PLEKHG2: variants seen among roughly 807,000 people sequenced by gnomAD.
PLEKHG2 encodes pleckstrin homology domain-containing family G member 2.
Under a neutral mutation model 104.4 loss-of-function variants are expected in PLEKHG2, and 71 were observed. The observed-to-expected ratio is 0.68, with a 90% confidence interval of 0.56 to 0.83. PLEKHG2 has a LOEUF of 0.83. Ranked by LOEUF, PLEKHG2 falls within the 40% of genes least tolerant of loss-of-function variation. The pLI, the probability that PLEKHG2 is intolerant of heterozygous loss-of-function variation, is 0.00. For missense variants in PLEKHG2, 1,730 were observed against 1,809.4 expected (o/e 0.96, Z 0.80); for synonymous variants, 728 against 737.0 (o/e 0.99, Z 0.20).
chr19:39,420,983 C>G lies in PLEKHG2; in HGVS notation c.1434C>G (p.Gly478=). 6.2e-7 allele frequency: 1 copy of G among 1,614,036 alleles called. No individual in the cohort carries two copies. The highest frequency in any genetic ancestry group is 8.5e-7 in the Non-Finnish European group (1 of 1,180,030). ...PSPGPSVIRR[G]RRQSEPVKDP... ...CTGGGCCCTCTGTGATTCGCCGAGG[C>G]CGCAGGCAGTCTGGTGAGCACTCAC... Residue 478 remains glycine, a synonymous_variant, in exon 14 of 19, where the codon GGC becomes GGG. Transcript: ENST00000425673.
rs922219533 is a variant in PLEKHG2, at chr19:39,420,521, A to C, written c.1264-105A>C. The stretch of plus-strand genomic sequence containing the variant: ...CCTGGCGTATAGAGCAAGATCTAAA[A>C]ACAAAAACAGCACCCATTAATGGGC... On this transcript the variant is annotated intron_variant, in intron 11 of 18. Coordinates refer to ENST00000425673, the MANE Select transcript of PLEKHG2 (RefSeq NM_022835.3). 2.0e-6 allele frequency: 3 copies of C among 1,486,380 alleles called. No homozygotes were observed. In the African/African-American group the frequency reaches 4.2e-5, roughly 21 times the overall value. 92.1% of individuals were successfully genotyped at this position (1,486,380 alleles called of 1,614,324 possible).
In PLEKHG2 at chr19:39,417,555, G is replaced by C; in HGVS notation, c.745G>C (p.Glu249Gln). Reference sequence around the variant, plus strand: ...TGCGTGCCTGGTGGCTGCCTGACAGGAACTAGGGAAGCACTGGGCGGAGGG... The same window carrying C: ...TGCGTGCCTGGTGGCTGCCTGACAGCAACTAGGGAAGCACTGGGCGGAGGG... ...RILKYHLLLQELGKHWAEGPG... is the reference protein window; with the variant it reads ...RILKYHLLLQQLGKHWAEGPG... Residue 249 changes from glutamate (E) to glutamine (Q), a missense_variant and splice_region_variant, in exon 8 of 19, where the codon GAA (glutamate) becomes CAA (glutamine). Glu to Gln is a conservative substitution (Grantham distance 29, BLOSUM62 2). Transcript: ENST00000425673. 1 of 1,613,880 alleles carries C rather than the reference G, an allele frequency of 6.2e-7. No homozygotes were observed. Among genetic ancestry groups the C allele is most frequent in the South Asian group, 1.1e-5 (1 of 91,084 alleles).
Position 39,415,361 on chromosome 19 carries a change from A to G in PLEKHG2, c.401A>G (p.Asp134Gly), listed in dbSNP as rs990456646. The G allele has an allele frequency of 1.9e-6, 3 of 1,613,988 alleles. No individual in the cohort carries two copies. The highest frequency in any genetic ancestry group is 2.5e-6 in the Non-Finnish European group (3 of 1,180,008). The change falls in exon 4 of 19, where the codon GAC (aspartate) becomes GGC (glycine). Residue 134 changes from aspartate (D) to glycine (G), a missense_variant. Asp to Gly is a moderately conservative substitution (Grantham distance 94). Coordinates refer to ENST00000425673, the MANE Select transcript of PLEKHG2 (RefSeq NM_022835.3). The surrounding 1 kb of genome is among the most constrained non-coding windows in gnomAD (Gnocchi z 4.6). The part of the protein sequence containing the change: ...IVEDYLGPLL[D>G]GGVLGLSVEQ... Reference sequence around the variant, plus strand: ...CAGGACTACCTGGGCCCTCTGCTGGACGGCGGGGTCCTGGGGCTGAGCGTG... The same window carrying G: ...CAGGACTACCTGGGCCCTCTGCTGGGCGGCGGGGTCCTGGGGCTGAGCGTG...
At chr19:39,417,522 C>T (rs778253026) in intron 7 of PLEKHG2, 33 bp from the exon 8 acceptor site, 1 of 1,609,404 alleles carries the variant, frequency 6.2e-7, no homozygotes. Flanking sequence ...TGTTTCTCTC[C>T]CCATCCCTGC....
At chr19:39,417,755 G>GCGGGGGGGGGC in intron 8 of PLEKHG2, 63 bp downstream of exon 8, 1 of 1,525,380 alleles carries the variant, frequency 6.6e-7, no homozygotes, top group Non-Finnish European at 8.8e-7. Flanking sequence ...CTTGGGGCGG[G>GCGGGGGGGGGC]TGGGGGGAAA....
At position 39,415,591 on chromosome 19, in the gene PLEKHG2, C is replaced by A; in HGVS notation, c.479+152C>A. ...CAGGGATCACGACTGGGAGGGAGGA[C>A]CCCGAGTGAGGGAGGGGCATAGGGG... is the stretch of plus-strand genomic sequence containing the variant. On this transcript the variant is annotated intron_variant, in intron 4 of 18. Coordinates refer to ENST00000425673, the MANE Select transcript of PLEKHG2 (RefSeq NM_022835.3). This position sits in a 1 kb window ranked among gnomAD's most constrained non-coding sequence, Gnocchi z 4.6. The A allele has an allele frequency of 2.8e-6, 2 of 720,544 alleles. No individual in the cohort carries two copies. Among genetic ancestry groups the A allele is most frequent in the Non-Finnish European group, 4.2e-6 (2 of 480,384 alleles). 44.6% of individuals were successfully genotyped at this position (720,544 alleles called of 1,614,324 possible).
intron 9 of PLEKHG2, 35 bp downstream of exon 9, chr19:39,418,140 C>T: frequency 6.9e-7 from 1 of 1,455,410 alleles, no homozygotes; most frequent in Non-Finnish European, 9.1e-7. Flanking sequence ...TAGAATACTA[C>T]CTACAAAGTA....
intron 16 of PLEKHG2, chr19:39,421,754 C>T (rs1445855633): frequency 9.0e-6 from 2 of 221,174 alleles, no homozygotes; most frequent in Non-Finnish European, 1.8e-5. Flanking sequence ...TACGGTGGCT[C>T]ACCTGTAATC....
rs988596220 is a variant in PLEKHG2, at chr19:39,415,665, G to A, written c.479+226G>A. ...GGGGCATAGCGGATGGGAGGACCCC[G>A]AGTGAGGGAGGGGCATAGCGGATGG... On this transcript the variant is annotated intron_variant, in intron 4 of 18. Transcript: ENST00000425673. This position sits in a 1 kb window ranked among gnomAD's most constrained non-coding sequence, Gnocchi z 4.6. 1.3e-5 allele frequency among the ~76,000 whole-genome samples: 2 copies of A among 151,538 alleles called. No homozygotes were observed. Among genetic ancestry groups the A allele is most frequent in the African/African-American group, 2.4e-5 (1 of 41,190 alleles).
At position 39,419,140 on chromosome 19, in the gene PLEKHG2, G is replaced by C. The variant is rs1307569288; in HGVS notation, c.1263+137G>C. The C allele has an allele frequency of 1.0e-5, 8 of 786,702 alleles. No individual in the cohort carries two copies. In the South Asian group the frequency reaches 1.8e-4, roughly 17 times the overall value. The allele number at this position is 786,702 out of a possible 1,614,324, so 48.7% of individuals were successfully genotyped here. On this transcript the variant is annotated intron_variant, in intron 11 of 18. Transcript: ENST00000425673. The stretch of plus-strand genomic sequence containing the variant: ...CTAAAAGTGCAGAATTCCGCTACTT[G>C]GGTTTGAATCTTAGCTCTACCATGT...
rs370089865 is a variant in PLEKHG2, at chr19:39,422,293, G to A, written c.1677+5G>A. On this transcript the variant is annotated splice_donor_5th_base_variant and intron_variant, in intron 17 of 18. Coordinates refer to ENST00000425673, the MANE Select transcript of PLEKHG2 (RefSeq NM_022835.3). ...CGAGGCCTTCGAGATCCAGGGGTGA[G>A]CTGGCTGTCCCATCATGGTGTCCTT... is the stretch of plus-strand genomic sequence containing the variant. The A allele has an allele frequency of 1.1e-4, 183 of 1,608,242 alleles. No homozygotes were observed. Among genetic ancestry groups the A allele is most frequent in the Non-Finnish European group, 1.5e-4 (179 of 1,177,306 alleles).
Position 39,422,225 on chromosome 19 carries a change from T to C in PLEKHG2, c.1614T>C (p.Ser538=). ...EDAGPPTLDP[S]GTSITEEILE... is the part of the protein sequence containing the mutation. ...CTGGACCCCCAACACTGGACCCCTC[T>C]GGGACCTCAATCACTGAAGAAATCC... Residue 538 remains serine (S), a synonymous_variant, in exon 17 of 19, where the codon TCT becomes TCC. Coordinates refer to ENST00000425673, the MANE Select transcript of PLEKHG2 (RefSeq NM_022835.3). The C allele has an allele frequency of 6.2e-7, 1 of 1,613,916 alleles. No individual in the cohort carries two copies. Among genetic ancestry groups the C allele is most frequent in the Non-Finnish European group, 8.5e-7 (1 of 1,179,940 alleles).
In PLEKHG2 at chr19:39,424,596, A is replaced by T. The variant is rs2078754286; in HGVS notation, c.3463A>T (p.Ile1155Phe). 6.2e-7 allele frequency: 1 copy of T among 1,614,014 alleles called. No homozygotes were observed. Among genetic ancestry groups the T allele is most frequent in the African/African-American group, 1.3e-5 (1 of 74,900 alleles). Reference protein sequence around the residue: ...PLPLPQVLTDIWVQALPTSPK... With the variant: ...PLPLPQVLTDFWVQALPTSPK... ...GCCCCTGCCACAAGTCCTCACAGAC[A>T]TCTGGGTCCAAGCCCTCCCAACTTC... The change falls in exon 19 of 19, where the codon ATC becomes TTC. Residue 1155 changes from isoleucine (I) to phenylalanine (F), a missense_variant. By Grantham distance (21) the Ile-to-Phe change is conservative. Coordinates refer to ENST00000425673, the MANE Select transcript of PLEKHG2 (RefSeq NM_022835.3).
At position 39,424,997 on chromosome 19, in the gene PLEKHG2, G is replaced by A. The variant is rs31727; in HGVS notation, c.3864G>A (p.Gln1288=). Reference sequence around the variant, plus strand: ...ACCTGGCAGCCTCATATATCAGCCAGAGCCTGGCTCGGCGGCAGGGGCCTG... The same window carrying A: ...ACCTGGCAGCCTCATATATCAGCCAAAGCCTGGCTCGGCGGCAGGGGCCTG... The part of the protein sequence containing the change: ...SRYLAASYIS[Q]SLARRQGPGG... The change falls in exon 19 of 19, where the codon CAG becomes CAA. Residue 1288 remains glutamine, a synonymous_variant. Transcript: ENST00000425673. The A allele has an allele frequency of 0.52, 846,225 of 1,611,890 alleles. 223,896 individuals are homozygous for A. Among genetic ancestry groups the A allele is most frequent in the African/African-American group, 0.66 (49,600 of 74,940 alleles).
Position 39,416,609 on chromosome 19 carries a change from GA to G in PLEKHG2, c.593+13del. On this transcript the variant is annotated intron_variant, in intron 6 of 18. Transcript: ENST00000425673. This position sits in a 1 kb window ranked among gnomAD's most constrained non-coding sequence, Gnocchi z 4.5. ...ATGAACTACCCGAGGTGAGGGGCAGGAGCCCCTGCTGGGCCTCAGGCTGTGC... is the reference window on the plus strand; with the variant it reads ...ATGAACTACCCGAGGTGAGGGGCAGGGCCCCTGCTGGGCCTCAGGCTGTGC... The G allele has an allele frequency of 6.2e-7, 1 of 1,613,364 alleles. No homozygotes were observed. The highest frequency in any genetic ancestry group is 8.5e-7 in the Non-Finnish European group (1 of 1,179,522).
chr19:39,417,663 C>T lies in PLEKHG2; in HGVS notation c.853C>T (p.Arg285Cys), dbSNP rs780273825. 6.8e-6 allele frequency: 11 copies of T among 1,612,978 alleles called. No individual in the cohort carries two copies. Among genetic ancestry groups the T allele is most frequent in the Middle Eastern group, 1.6e-4 (1 of 6,082 alleles). ...TGCCTGGTACATCAACGACATGAAG[C>T]GCAAGCAGGAGCATGCAGCGCGCCT... ...AVAWYINDMK[R>C]KQEHAARLQE... Residue 285 changes from arginine to cysteine, a missense_variant, in exon 8 of 19, where the codon CGC becomes TGC. Coordinates refer to ENST00000425673, the MANE Select transcript of PLEKHG2 (RefSeq NM_022835.3).
chr19:39,419,029 C>T (rs774212829), intron 11 of PLEKHG2, 26 bp downstream of exon 11: 73 of 1,588,150 alleles, frequency 4.6e-5, no homozygotes, highest in Non-Finnish European at 5.4e-5. Flanking sequence ...CAGCCGGGGG[C>T]CCTCTGAGTG....
At chr19:39,421,429 T>A in intron 16 of PLEKHG2, 130 bp downstream of exon 16, 1 of 1,058,246 alleles carries the variant, frequency 9.4e-7, no homozygotes, top group Non-Finnish European at 1.4e-6. Flanking sequence ...CTCATGCCTG[T>A]AATCTCAGTA....
chr19:39,413,967 A>C lies in PLEKHG2; in HGVS notation c.-22-98A>C. 1 of 796,922 alleles carries C rather than the reference A, an allele frequency of 1.3e-6. No individual in the cohort carries two copies. Among genetic ancestry groups the C allele is most frequent in the Non-Finnish European group, 2.0e-6 (1 of 510,248 alleles). 49.4% of individuals were successfully genotyped at this position (796,922 alleles called of 1,614,324 possible). On this transcript the variant is annotated intron_variant, in intron 1 of 18. Transcript: ENST00000425673. This position sits in a 1 kb window ranked among gnomAD's most constrained non-coding sequence, Gnocchi z 4.5. ...GTTACTCCCAGGGGCCCCTCCCTGG[A>C]TTTACACCACGCTCCTAATTCCCAG...
Sources: allele counts gnomAD v4.1 joint callset (sites outside exome capture counted in the v4.1 genomes callset), GRCh38; gene constraint gnomAD v4.1.1; non-coding constraint Gnocchi (gnomAD v3.1); transcripts MANE v1.5; gene names NCBI Gene and HGNC (gene_info 2026-07-23, HGNC 2026-07-21).